ROBO2: variants seen among roughly 807,000 people sequenced by gnomAD.
The protein encoded by ROBO2 is roundabout homolog 2.
In ROBO2, 53 loss-of-function variants were observed where a neutral mutation model predicts 160.8. The observed-to-expected ratio is 0.33, with a 90% CI of 0.26 to 0.41. ROBO2 has a LOEUF of 0.41. Ranked by LOEUF, ROBO2 falls within the 10% of genes least tolerant of loss-of-function variation. The pLI is 1.00. For synonymous variants in ROBO2, 664 were observed against 611.7 expected, an observed-to-expected ratio of 1.09 and a Z score of -1.26; for missense variants, 1,577 against 1,722.4, an observed-to-expected ratio of 0.92 and a Z score of 1.49.
chr3:76,238,559 G>T (rs1486257027), intron 2 of ROBO2, among the ~76,000 whole-genome samples: 1 of 151,076 alleles, frequency 6.6e-6, no homozygotes, highest in Admixed American at 6.6e-5. Flanking sequence ...TCTCCCCCTA[G>T]ACATGAGGGG....
At chr3:77,120,587 C>G (rs2074655499) in intron 2 of ROBO2, among the ~76,000 whole-genome samples, 1 of 152,198 alleles carries the variant, frequency 6.6e-6, no homozygotes, top group African/African-American at 2.4e-5. Flanking sequence ...TCGTTATGCT[C>G]ATTTTAGCAG....
intron 2 of ROBO2, among the ~76,000 whole-genome samples, chr3:76,037,260 C>CTTTTTTTT (rs5850229): frequency 7.3e-6 from 1 of 137,182 alleles, no homozygotes. Flanking sequence ...TTTCTTTTTT[C>CTTTTTTTT]TTTTTTTTTT....
chr3:77,499,945 C>T (rs1019105947), intron 5 of ROBO2, among the ~76,000 whole-genome samples: 4 of 152,094 alleles, frequency 2.6e-5, no homozygotes, highest in Non-Finnish European at 4.4e-5. Flanking sequence ...CCGTGTCTGG[C>T]CTGCTTTTAA....
chr3:76,728,771 A>G (rs1171209853), intron 2 of ROBO2, among the ~76,000 whole-genome samples: 1 of 152,248 alleles, frequency 6.6e-6, no homozygotes, highest in Non-Finnish European at 1.5e-5. Flanking sequence ...TTCGACAGTA[A>G]AATATGCTTA....
chr3:77,101,228 A>T (rs1412769431), intron 2 of ROBO2, among the ~76,000 whole-genome samples: 1 of 152,220 alleles, frequency 6.6e-6, no homozygotes, highest in East Asian at 1.9e-4. Flanking sequence ...AAACAGCTTG[A>T]AACATATTTA....
chr3:76,782,444 G>A (rs1305388547), intron 2 of ROBO2, among the ~76,000 whole-genome samples: 1 of 150,550 alleles, frequency 6.6e-6, no homozygotes, highest in African/African-American at 2.4e-5. Context: ...TATTGATTTT[G>A]TTTCTAGATA....
At chr3:76,832,274 G>A (rs912604404) in intron 2 of ROBO2, among the ~76,000 whole-genome samples, 1 of 152,148 alleles carries the variant, frequency 6.6e-6, no homozygotes, top group East Asian at 1.9e-4. Context: ...AATAAGCATA[G>A]AATTTCAGAA....
At chr3:77,646,165 G>T (rs1212402715) in exon 26 of ROBO2, 1 of 710,056 alleles carries the variant, frequency 1.4e-6, no homozygotes, top group South Asian at 2.6e-5. Context: ...ACTATTAAAA[G>T]AACTGTAAAT....
At chr3:76,586,874 T>G (rs998526414) in intron 2 of ROBO2, among the ~76,000 whole-genome samples, 4 of 152,188 alleles carry the variant, frequency 2.6e-5, no homozygotes, top group African/African-American at 9.7e-5. Flanking sequence ...ACTGATAGTG[T>G]CTCCAGAGAG....
intron 2 of ROBO2, among the ~76,000 whole-genome samples, chr3:77,412,569 C>T (rs911080632): frequency 6.6e-6 from 1 of 152,186 alleles, no homozygotes; most frequent in Non-Finnish European, 1.5e-5. Flanking sequence ...TAACTGGGGA[C>T]AGTGGGATCT....
At chr3:75,989,646 G>T (rs1316027194) in intron 2 of ROBO2, among the ~76,000 whole-genome samples, 2 of 152,202 alleles carry the variant, frequency 1.3e-5, no homozygotes, top group African/African-American at 4.8e-5. Context: ...ACCAAAAAAA[G>T]ATTTGTTTCA....
intron 2 of ROBO2, among the ~76,000 whole-genome samples, chr3:76,595,504 C>A (rs1237892647): frequency 6.6e-6 from 1 of 151,826 alleles, no homozygotes; most frequent in Non-Finnish European, 1.5e-5. Flanking sequence ...TGATAAAAAA[C>A]AGACTTTTCA....
At chr3:77,134,111 G>C (rs1268504354) in intron 2 of ROBO2, among the ~76,000 whole-genome samples, 1 of 151,594 alleles carries the variant, frequency 6.6e-6, no homozygotes, top group East Asian at 2.0e-4. Context: ...GGGAGGCAGA[G>C]GTTGCAGTGA....
chr3:76,179,525 G>A (rs1264042039), intron 2 of ROBO2, among the ~76,000 whole-genome samples: 2 of 152,080 alleles, frequency 1.3e-5, no homozygotes, highest in South Asian at 2.1e-4. Context: ...ATATCCTTTC[G>A]TTTCTGATAC....
At chr3:76,021,234 A>G (rs2066566315) in intron 2 of ROBO2, among the ~76,000 whole-genome samples, 2 of 151,808 alleles carry the variant, frequency 1.3e-5, no homozygotes, top group South Asian at 4.1e-4. Flanking sequence ...AGCACTCGGA[A>G]AAAATATGAT....
intron 2 of ROBO2, among the ~76,000 whole-genome samples, chr3:76,359,269 A>C (rs1361233775): frequency 1.3e-5 from 2 of 151,960 alleles, no homozygotes; most frequent in Non-Finnish European, 2.9e-5. Context: ...TTAAATATTG[A>C]ATGAGCCCTT....
chr3:75,965,988 A>G (rs766028740), intron 2 of ROBO2, among the ~76,000 whole-genome samples: 1 of 151,758 alleles, frequency 6.6e-6, no homozygotes, highest in Non-Finnish European at 1.5e-5. Flanking sequence ...AAGATAATGA[A>G]GAGTTGGTAA....
intron 1 of ROBO2, among the ~76,000 whole-genome samples, chr3:77,057,429 G>A (rs960224591): frequency 6.6e-6 from 1 of 151,956 alleles, no homozygotes; most frequent in African/African-American, 2.4e-5. Context: ...CCTGCATGTT[G>A]TGCACATGTA....
intron 2 of ROBO2, among the ~76,000 whole-genome samples, chr3:76,781,889 T>C (rs2062664925): frequency 6.6e-6 from 1 of 150,768 alleles, no homozygotes; most frequent in Non-Finnish European, 1.5e-5. Flanking sequence ...AATGAGTTTA[T>C]AAATGTTTCT....
Sources: allele counts gnomAD v4.1 joint callset (sites outside exome capture counted in the v4.1 genomes callset), GRCh38; gene constraint gnomAD v4.1.1; transcripts MANE v1.5; gene names NCBI Gene and HGNC (gene_info 2026-07-23, HGNC 2026-07-21).